UGGT2: variants seen among roughly 807,000 people sequenced by gnomAD.
UGGT2 encodes the protein UDP-glucose:glycoprotein glucosyltransferase 2.
A neutral mutation model predicts 192.1 loss-of-function variants in UGGT2; 180 were observed. The ratio of observed to expected loss-of-function variants is 0.94; its 90% CI spans 0.83 to 1.06. The LOEUF is 1.06. Among genes scored for constraint, UGGT2 ranks in the 50% least tolerant of loss-of-function variants. The pLI, the probability that UGGT2 is intolerant of heterozygous loss-of-function variation, is 0.00. For missense variants in UGGT2, 1,849 were observed against 1,795.7 expected (o/e 1.03, Z -0.54); for synonymous variants, 580 against 591.0 (o/e 0.98, Z 0.27).
At chr13:95,950,252 A>G (rs117604380) in intron 12 of UGGT2, among the ~76,000 whole-genome samples, 3,507 of 152,270 alleles carry the variant, frequency 0.023, 67 homozygotes, top group Non-Finnish European at 0.038. Context: ...TAACACCTCT[A>G]CAAAAGCCAG....
chr13:95,909,773 TAATA>T, intron 20 of UGGT2, among the ~76,000 whole-genome samples: 1 of 62,316 alleles, frequency 1.6e-5, no homozygotes, highest in South Asian at 4.4e-4. Flanking sequence ...ATAATAATAA[TAATA>T]ATAAAAAAGA....
chr13:95,910,343 C>G (rs914638971), intron 20 of UGGT2, among the ~76,000 whole-genome samples: 1 of 151,972 alleles, frequency 6.6e-6, no homozygotes, highest in Non-Finnish European at 1.5e-5. Context: ...CTTCAGGAGA[C>G]CCATCTCATG....
intron 4 of UGGT2, among the ~76,000 whole-genome samples, chr13:96,018,490 T>C (rs1377339059): frequency 1.3e-5 from 2 of 152,132 alleles, no homozygotes; most frequent in African/African-American, 4.8e-5. Flanking sequence ...CACTCTAGCC[T>C]GGGCACTAGA....
At chr13:95,967,279 A>C (rs1261569974) in intron 12 of UGGT2, among the ~76,000 whole-genome samples, 1 of 151,860 alleles carries the variant, frequency 6.6e-6, no homozygotes, top group Non-Finnish European at 1.5e-5. Flanking sequence ...CAGCCTCCCA[A>C]GTAGCTGGGA....
At chr13:95,811,724 G>C (rs1884593221) in intron 38 of UGGT2, among the ~76,000 whole-genome samples, 2 of 151,710 alleles carry the variant, frequency 1.3e-5, no homozygotes, top group Admixed American at 6.6e-5. Context: ...AATAGCATAA[G>C]AGAAAAGAGG....
At chr13:95,970,696 T>A (rs539010469) in intron 11 of UGGT2, among the ~76,000 whole-genome samples, 81 of 152,284 alleles carry the variant, frequency 5.3e-4, no homozygotes, top group Non-Finnish European at 8.5e-4. Context: ...TGTGTTTGAA[T>A]ACAAATTTAA....
intron 1 of UGGT2, among the ~76,000 whole-genome samples, chr13:96,033,293 C>T (rs986365244): frequency 1.3e-5 from 2 of 152,184 alleles, no homozygotes; most frequent in Non-Finnish European, 2.9e-5. Context: ...GCTGCAAAAA[C>T]GCCAGCTGTA....
Position 95,948,035 on chromosome 13 carries a change from T to A in UGGT2, c.1502A>T (p.Lys501Ile). Residue 501 changes from lysine to isoleucine, a missense_variant, in exon 14 of 39, where the codon AAA becomes ATA. Physicochemically the swap from Lys to Ile is moderately radical, Grantham distance 102. Coordinates refer to ENST00000376747, the MANE Select transcript of UGGT2 (RefSeq NM_020121.4). The part of the protein sequence containing the change: ...PAQEYTLDFI[K>I]LADVFYSHEV... Reference sequence around the variant, plus strand: ...GTGAGAATAGAAAACATCAGCAAGTTTTATAAAATCCAAGGTATATTCTTG... The same window carrying A: ...GTGAGAATAGAAAACATCAGCAAGTATTATAAAATCCAAGGTATATTCTTG... 1 of 1,613,254 alleles carries A rather than the reference T, an allele frequency of 6.2e-7. No individual in the cohort carries two copies. The highest frequency in any genetic ancestry group is 8.5e-7 in the Non-Finnish European group (1 of 1,179,630).
chr13:95,836,823 C>T (rs1887335499), intron 37 of UGGT2, among the ~76,000 whole-genome samples: 2 of 95,954 alleles, frequency 2.1e-5, no homozygotes, highest in South Asian at 8.9e-4. Context: ...GCTTTATATC[C>T]TTTCACTGTG....
chr13:95,841,050 G>A (rs1050474968), intron 36 of UGGT2, among the ~76,000 whole-genome samples: 1 of 152,032 alleles, frequency 6.6e-6, no homozygotes, highest in Non-Finnish European at 1.5e-5. Context: ...GGGCCTATTG[G>A]AGGGCTGGGG....
At chr13:95,883,830 T>C (rs1386388448) in intron 27 of UGGT2, among the ~76,000 whole-genome samples, 2 of 152,194 alleles carry the variant, frequency 1.3e-5, no homozygotes, top group Non-Finnish European at 2.9e-5. Flanking sequence ...TTGTGGTTTC[T>C]GAATTCCTTT....
At chr13:95,921,641 TAAG>T (rs1346421655) in intron 20 of UGGT2, among the ~76,000 whole-genome samples, 3 of 152,136 alleles carry the variant, frequency 2.0e-5, no homozygotes, top group South Asian at 4.1e-4. Context: ...TGGGCACTTC[TAAG>T]AAGACATACA....
chr13:95,982,273 G>T (rs771685672), intron 10 of UGGT2, among the ~76,000 whole-genome samples: 2 of 152,174 alleles, frequency 1.3e-5, no homozygotes, highest in Non-Finnish European at 2.9e-5. Flanking sequence ...TTCTAACAAA[G>T]AACAGCCTGT....
intron 10 of UGGT2, among the ~76,000 whole-genome samples, chr13:95,973,943 G>A (rs2050856727): frequency 6.6e-6 from 1 of 152,092 alleles, no homozygotes; most frequent in South Asian, 2.1e-4. Flanking sequence ...TATCAGGGTA[G>A]GCAAATATAT....
At chr13:95,854,267 TCAATA>T (rs1889353346) in intron 35 of UGGT2, 43 bp downstream of exon 35, 3 of 1,547,854 alleles carry the variant, frequency 1.9e-6, no homozygotes, top group Non-Finnish European at 2.6e-6. Flanking sequence ...AAGTTGCAAT[TCAATA>T]CATTACTTAT....
chr13:95,823,629 A>C (rs988755543), intron 38 of UGGT2, among the ~76,000 whole-genome samples: 3 of 151,830 alleles, frequency 2.0e-5, no homozygotes, highest in African/African-American at 2.4e-5. Context: ...CCATCCCTTT[A>C]CCTTGAATTT....
At chr13:95,842,643 G>C (rs1887988340) in intron 36 of UGGT2, among the ~76,000 whole-genome samples, 1 of 152,128 alleles carries the variant, frequency 6.6e-6, no homozygotes, top group Non-Finnish European at 1.5e-5. Context: ...TCTGAGACTA[G>C]ACTATAACAG....
intron 15 of UGGT2, among the ~76,000 whole-genome samples, chr13:95,941,990 A>G (rs750149858): frequency 3.2e-4 from 49 of 152,040 alleles, no homozygotes; most frequent in Non-Finnish European, 6.6e-4. Flanking sequence ...TTTGCTTCTG[A>G]GCTTTAAGAA....
At chr13:95,974,848 G>A (rs1594483092) in intron 10 of UGGT2, among the ~76,000 whole-genome samples, 1 of 152,128 alleles carries the variant, frequency 6.6e-6, no homozygotes, top group African/African-American at 2.4e-5. Context: ...TTGGGAGGCT[G>A]AGGCTGGTGG....
Sources: gnomAD v4.1 joint callset for allele counts (sites outside exome capture counted in the v4.1 genomes callset) on GRCh38, gnomAD v4.1.1 for gene constraint, MANE v1.5 for transcripts, NCBI Gene and HGNC (gene_info 2026-07-23, HGNC 2026-07-21) for gene names.